Variants in CDH10 observed in about 807,000 individuals in gnomAD.
CDH10 encodes cadherin-10.
In CDH10, 30 loss-of-function variants were observed where a neutral mutation model predicts 73.1. The observed-to-expected ratio is 0.41, with a 90% CI of 0.31 to 0.56. The LOEUF is 0.56. CDH10 is among the 20% of genes least tolerant of loss of function. The pLI, the probability that CDH10 is intolerant of heterozygous loss-of-function variation, is 0.27. For synonymous variants in CDH10, 345 were observed against 348.2 expected, an observed-to-expected ratio of 0.99 and a Z score of 0.10; for missense variants, 815 against 973.7, an observed-to-expected ratio of 0.84 and a Z score of 2.17.
Position 24,498,483 on chromosome 5 carries a change from A to G in CDH10, c.1430T>C (p.Val477Ala), listed in dbSNP as rs2111684844. 1 of 1,596,932 alleles carries G rather than the reference A, an allele frequency of 6.3e-7. No homozygotes were observed. The highest frequency in any genetic ancestry group is 1.7e-5 in the Admixed American group (1 of 59,974). Residue 477 changes from valine (V) to alanine (A), a missense_variant, in exon 9 of 12, where the codon GTG (valine) becomes GCG (alanine). Val to Ala is a moderately conservative substitution (Grantham distance 64). Around this residue, in one of 3 missense-constraint regions of CDH10, gnomAD observed 516 missense variants for 636.6 expected, o/e 0.81. Coordinates refer to ENST00000264463, the MANE Select transcript of CDH10 (RefSeq NM_006727.5). Reference sequence around the variant, plus strand: ...ATTGTCATTAACATCCAAAATTCTCACAAAAACAGCCACGCGTGTTGTCTC... The same window carrying G: ...ATTGTCATTAACATCCAAAATTCTCGCAAAAACAGCCACGCGTGTTGTCTC... ...PKETTRVAVF[V>A]RILDVNDNAP... is the part of the protein sequence containing the mutation.
At chr5:24,551,792 A>G (rs1744556039) in intron 2 of CDH10, among the ~76,000 whole-genome samples, 1 of 152,102 alleles carries the variant, frequency 6.6e-6, no homozygotes, top group Admixed American at 6.6e-5. Context: ...TATCTGTTCC[A>G]TTTATCTATT....
intron 2 of CDH10, among the ~76,000 whole-genome samples, chr5:24,555,092 C>A: frequency 6.6e-6 from 1 of 152,046 alleles, no homozygotes; most frequent in Middle Eastern, 3.5e-3. Flanking sequence ...ATGTACTGTA[C>A]TTTTTCTAGT....
intron 2 of CDH10, among the ~76,000 whole-genome samples, chr5:24,559,926 T>C (rs1744896999): frequency 6.6e-6 from 1 of 152,102 alleles, no homozygotes; most frequent in South Asian, 2.1e-4. Context: ...TGAAATGTGG[T>C]CATACTTTCT....
At position 24,635,237 on chromosome 5, in the gene CDH10, C is replaced by T. The variant is rs546287753; in HGVS notation, c.-124+9357G>A. Among the ~76,000 whole-genome samples the T allele has an allele frequency of 2.6e-5, 4 of 151,986 alleles. No individual in the cohort carries two copies. In the South Asian group the frequency reaches 6.2e-4, roughly 24 times the overall value. Reference sequence around the variant, plus strand: ...TTCTTGAGATTTATAGGTATCAAAACGTTAATGGAATAATTTCTGTAATGC... The same window carrying T: ...TTCTTGAGATTTATAGGTATCAAAATGTTAATGGAATAATTTCTGTAATGC... On this transcript the variant is annotated intron_variant, in intron 1 of 11. Transcript: ENST00000264463.
intron 1 of CDH10, among the ~76,000 whole-genome samples, chr5:24,619,674 A>G (rs541684379): frequency 6.6e-6 from 1 of 152,346 alleles, no homozygotes; most frequent in East Asian, 1.9e-4. Context: ...CTGAATATTT[A>G]TGTTCCTAAA....
chr5:24,587,404 A>G (rs926338474), intron 2 of CDH10, among the ~76,000 whole-genome samples: 1 of 152,208 alleles, frequency 6.6e-6, no homozygotes, highest in Admixed American at 6.5e-5. Context: ...AATTGCACAT[A>G]TAATTATGTA....
intron 1 of CDH10, chr5:24,612,500 T>C (rs1746984599): frequency 6.6e-6 from 1 of 152,184 alleles, no homozygotes; most frequent in Non-Finnish European, 1.5e-5. Context: ...GACAGTACGG[T>C]TGAATTAAAA....
intron 5 of CDH10, among the ~76,000 whole-genome samples, chr5:24,528,653 A>G (rs1743620989): frequency 6.6e-6 from 1 of 152,026 alleles, no homozygotes; most frequent in Admixed American, 6.6e-5. Context: ...CCAAGCAATA[A>G]AAGTATGATT....
At position 24,589,487 on chromosome 5, in the gene CDH10, C is replaced by T. The variant is rs561909541; in HGVS notation, c.231+3773G>A. On this transcript the variant is annotated intron_variant, in intron 2 of 11. Transcript: ENST00000264463. ...GATTTATGGTTGCCCCTTTATGTTA[C>T]TGATTTTTTTTTTTTGGTGTTTTGG... Among the ~76,000 whole-genome samples the T allele has an allele frequency of 2.7e-5, 4 of 147,524 alleles. No individual in the cohort carries two copies. The East Asian group carries it at 8.0e-4, about 29-fold the overall frequency.
At chr5:24,632,295 G>T (rs1747727183) in intron 1 of CDH10, among the ~76,000 whole-genome samples, 1 of 151,686 alleles carries the variant, frequency 6.6e-6, no homozygotes, top group South Asian at 2.1e-4. Context: ...TCATCAGAAG[G>T]TTGCATGCAA....
intron 2 of CDH10, among the ~76,000 whole-genome samples, chr5:24,584,445 C>CTTTTTTTT (rs34192671): frequency 5.7e-4 from 16 of 28,092 alleles, no homozygotes; most frequent in Admixed American, 1.1e-3. Flanking sequence ...CTTTCTTTTC[C>CTTTTTTTT]TTTTTTTTTT....
intron 5 of CDH10, among the ~76,000 whole-genome samples, chr5:24,514,465 A>G (rs1211042347): frequency 6.6e-6 from 1 of 152,084 alleles, no homozygotes; most frequent in Non-Finnish European, 1.5e-5. Context: ...CCTGATAACC[A>G]CATCCTCTTT....
chr5:24,490,330 T>C (rs1742004437), intron 11 of CDH10, among the ~76,000 whole-genome samples: 1 of 152,166 alleles, frequency 6.6e-6, no homozygotes, highest in Non-Finnish European at 1.5e-5. Context: ...AAAATAAAAT[T>C]ATACCAAATT....
intron 5 of CDH10, among the ~76,000 whole-genome samples, chr5:24,522,056 C>T (rs1743353188): frequency 2.0e-5 from 3 of 152,164 alleles, no homozygotes; most frequent in Admixed American, 6.5e-5. Context: ...ATCACTTGAA[C>T]CCAGGAGGCA....
intron 2 of CDH10, among the ~76,000 whole-genome samples, chr5:24,557,160 T>C (rs1235213280): frequency 1.3e-5 from 2 of 149,716 alleles, no homozygotes; most frequent in Non-Finnish European, 3.0e-5. Flanking sequence ...ATTCTGTAAC[T>C]TTAAACAAAG....
At chr5:24,567,517 T>C (rs190670826) in intron 2 of CDH10, among the ~76,000 whole-genome samples, 1 of 151,506 alleles carries the variant, frequency 6.6e-6, no homozygotes, top group East Asian at 1.9e-4. Context: ...CCTCAAAAAA[T>C]ACGCTGAGAA....
At chr5:24,595,003 T>G (rs554585275) in intron 1 of CDH10, among the ~76,000 whole-genome samples, 2 of 152,092 alleles carry the variant, frequency 1.3e-5, no homozygotes, top group Non-Finnish European at 2.9e-5. Flanking sequence ...ACCTGCTATA[T>G]GTTTTTGTGC....
At chr5:24,558,394 A>G (rs1161996602) in intron 2 of CDH10, among the ~76,000 whole-genome samples, 1 of 151,826 alleles carries the variant, frequency 6.6e-6, no homozygotes, top group Non-Finnish European at 1.5e-5. Flanking sequence ...GGGTTTAGCA[A>G]GCAATGACAC....
intron 1 of CDH10, chr5:24,612,116 G>A (rs1184994929): frequency 6.6e-6 from 1 of 152,116 alleles, no homozygotes; most frequent in Non-Finnish European, 1.5e-5. Context: ...GTGATAGTAC[G>A]TTACACATTA....
Sources: allele counts gnomAD v4.1 joint callset (sites outside exome capture counted in the v4.1 genomes callset), GRCh38; gene constraint gnomAD v4.1.1; regional missense constraint gnomAD v4.1.1; transcripts MANE v1.5; gene names NCBI Gene and HGNC (gene_info 2026-07-23, HGNC 2026-07-21).